Variants in ROBO1 observed in about 807,000 individuals in gnomAD.
ROBO1 encodes roundabout guidance receptor 1, also known as roundabout homolog 1.
In ROBO1, 149 loss-of-function variants were observed where a neutral mutation model predicts 195.9. That is an observed-to-expected ratio of 0.76 (90% confidence interval 0.67 to 0.87). ROBO1 has a LOEUF of 0.87. Among genes scored for constraint, ROBO1 ranks in the 40% least tolerant of loss-of-function variants. The pLI, the probability that ROBO1 is intolerant of heterozygous loss-of-function variation, is 0.00. For synonymous variants in ROBO1, 816 were observed against 733.2 expected, an observed-to-expected ratio of 1.11 and a Z score of -1.82; for missense variants, 1,933 against 2,068.3, an observed-to-expected ratio of 0.93 and a Z score of 1.27.
At chr3:79,014,081 A>G (rs1357120842) in intron 3 of ROBO1, among the ~76,000 whole-genome samples, 1 of 152,194 alleles carries the variant, frequency 6.6e-6, no homozygotes, top group Non-Finnish European at 1.5e-5. Context: ...CATGCTTCAA[A>G]TTGCTTTTTT....
chr3:79,028,123 G>T (rs1209901276), intron 3 of ROBO1, among the ~76,000 whole-genome samples: 2 of 151,836 alleles, frequency 1.3e-5, no homozygotes, highest in Non-Finnish European at 2.9e-5. Flanking sequence ...GATGCTAATT[G>T]GTTCTAATAA....
intron 8 of ROBO1, among the ~76,000 whole-genome samples, chr3:78,711,441 TTCCTTCCTTCC>T (rs2081738549): frequency 1.3e-5 from 1 of 75,698 alleles, no homozygotes; most frequent in Non-Finnish European, 2.8e-5. Context: ...CTTTCTTTCT[TTCCTTCCTTCC>T]TTCCTTCCTT....
intron 3 of ROBO1, among the ~76,000 whole-genome samples, chr3:79,026,550 C>T (rs1377062565): frequency 6.6e-6 from 1 of 151,932 alleles, no homozygotes; most frequent in East Asian, 1.9e-4. Context: ...AAAGTGGTTT[C>T]ATGTTTCTTT....
intron 4 of ROBO1, among the ~76,000 whole-genome samples, chr3:78,867,005 C>T (rs2035224929): frequency 6.6e-6 from 1 of 152,112 alleles, no homozygotes; most frequent in South Asian, 2.1e-4. Context: ...CAAAAATTTC[C>T]ACTACGTTTG....
At position 79,523,254 on chromosome 3, in the gene ROBO1, A is replaced by G. The variant is rs190660728; in HGVS notation, c.88+66570T>C. On this transcript the variant is annotated intron_variant, in intron 2 of 30. Coordinates refer to ENST00000464233, the MANE Select transcript of ROBO1 (RefSeq NM_002941.4). ...CAATCCTTTAGTTAAAGAAACTACAACAGCATGCATATACTAAGATATCTA... is the reference window on the plus strand; with the variant it reads ...CAATCCTTTAGTTAAAGAAACTACAGCAGCATGCATATACTAAGATATCTA... 1.3e-4 allele frequency among the ~76,000 whole-genome samples: 20 copies of G among 152,160 alleles called. No homozygotes were observed. The East Asian group carries it at 1.9e-3, about 15-fold the overall frequency.
chr3:79,222,637 A>G (rs1400376887), intron 2 of ROBO1, among the ~76,000 whole-genome samples: 7 of 151,696 alleles, frequency 4.6e-5, no homozygotes, highest in Admixed American at 2.6e-4. Context: ...AAAAAAAAAC[A>G]GAAGGACATA....
intron 3 of ROBO1, among the ~76,000 whole-genome samples, chr3:79,106,261 A>T (rs1291140508): frequency 6.6e-6 from 1 of 151,690 alleles, no homozygotes; most frequent in Non-Finnish European, 1.5e-5. Flanking sequence ...AGTTTTACCC[A>T]ATGAGTTCCC....
intron 2 of ROBO1, among the ~76,000 whole-genome samples, chr3:79,269,518 AG>A (rs1292329957): frequency 6.6e-6 from 1 of 151,712 alleles, no homozygotes; most frequent in Non-Finnish European, 1.5e-5. Flanking sequence ...TTTAGATAGA[AG>A]GATTTATGAG....
intron 1 of ROBO1, among the ~76,000 whole-genome samples, chr3:79,759,140 T>C (rs907171042): frequency 4.6e-5 from 7 of 152,190 alleles, no homozygotes; most frequent in Non-Finnish European, 1.0e-4. Context: ...AGGTTTTTAA[T>C]TGGAGAATAA....
In ROBO1 at chr3:79,679,049, G is replaced by A. The variant is rs377528006; in HGVS notation, c.-51+88703C>T. Among the ~76,000 whole-genome samples the A allele has an allele frequency of 6.6e-5, 10 of 151,900 alleles. No individual in the cohort carries two copies. In the South Asian group the frequency reaches 1.0e-3, roughly 16 times the overall value. ...TCATACAGAATATTAAAATCATATG[G>A]ATATATAGTCAATACAGTTGGACTT... On this transcript the variant is annotated intron_variant, in intron 1 of 30. Coordinates refer to ENST00000464233, the MANE Select transcript of ROBO1 (RefSeq NM_002941.4).
intron 2 of ROBO1, among the ~76,000 whole-genome samples, chr3:79,127,880 A>G (rs6786179): frequency 0.77 from 116,800 of 152,092 alleles, 45,026 homozygotes; most frequent in African/African-American, 0.83. Flanking sequence ...TGCATTAATC[A>G]ATGAATCTTA....
At chr3:78,695,027 C>T (rs914542732) in intron 8 of ROBO1, among the ~76,000 whole-genome samples, 4 of 146,354 alleles carry the variant, frequency 2.7e-5, no homozygotes, top group Admixed American at 2.1e-4. Flanking sequence ...TTTAATGCAC[C>T]CTTTTCTTGC....
chr3:79,317,178 A>G (rs1327326441), intron 2 of ROBO1, among the ~76,000 whole-genome samples: 2 of 152,150 alleles, frequency 1.3e-5, no homozygotes, highest in Admixed American at 1.3e-4. Context: ...ATGTGTATGT[A>G]TTTATATTCA....
chr3:79,208,304 C>T (rs1363423663), intron 2 of ROBO1, among the ~76,000 whole-genome samples: 1 of 152,192 alleles, frequency 6.6e-6, no homozygotes, highest in Non-Finnish European at 1.5e-5. Context: ...TTGCTTCCTT[C>T]CATCCTTTTT....
At chr3:79,287,939 C>A (rs1298840640) in intron 2 of ROBO1, among the ~76,000 whole-genome samples, 1 of 151,828 alleles carries the variant, frequency 6.6e-6, no homozygotes, top group Non-Finnish European at 1.5e-5. Flanking sequence ...TTCAGATGGA[C>A]ATAAATGAGA....
At chr3:79,537,037 A>AT (rs35483494) in intron 2 of ROBO1, among the ~76,000 whole-genome samples, 41 of 150,924 alleles carry the variant, frequency 2.7e-4, no homozygotes, top group Middle Eastern at 3.4e-3. Context: ...AAGAAACAAT[A>AT]TTTTTTTTTA....
In ROBO1 at chr3:78,884,722, AAAGG is replaced by A. The variant is rs751568679; in HGVS notation, c.499+53875_499+53878del. Among the ~76,000 whole-genome samples the A allele has an allele frequency of 1.5e-3, 230 of 149,894 alleles. 1 individual carries two copies. The highest frequency in any genetic ancestry group is 2.2e-3 in the Non-Finnish European group (149 of 67,334). On this transcript the variant is annotated intron_variant, in intron 4 of 30. Transcript: ENST00000464233. ...AAGGAAGGAAAGAAAGAAGGAAAGG[AAAGG>A]AAGGAAGGAAGGAAAGAAAGGAAAG...
chr3:79,354,314 T>C (rs1467408139), intron 2 of ROBO1, among the ~76,000 whole-genome samples: 1 of 152,186 alleles, frequency 6.6e-6, no homozygotes, highest in Non-Finnish European at 1.5e-5. Context: ...TTCAACCTCC[T>C]ATACTTGGCA....
intron 2 of ROBO1, among the ~76,000 whole-genome samples, chr3:79,534,590 T>C (rs1167553740): frequency 6.6e-6 from 1 of 152,180 alleles, no homozygotes; most frequent in Non-Finnish European, 1.5e-5. Flanking sequence ...CCTGTTGCTT[T>C]CTCCAAGGTA....
Sources: gnomAD v4.1 joint callset for allele counts (sites outside exome capture counted in the v4.1 genomes callset) on GRCh38, gnomAD v4.1.1 for gene constraint, MANE v1.5 for transcripts, NCBI Gene and HGNC (gene_info 2026-07-23, HGNC 2026-07-21) for gene names.